Variants in VPS13B observed in about 807,000 individuals in gnomAD.
VPS13B encodes the protein intermembrane lipid transfer protein VPS13B.
VPS13B carries 285 observed loss-of-function variants against 426.4 expected under a neutral mutation model. The observed-to-expected ratio is 0.67, with a 90% CI of 0.61 to 0.74. VPS13B has a LOEUF of 0.74. Among genes scored for constraint, VPS13B ranks in the 30% least tolerant of loss-of-function variants. The probability of loss-of-function intolerance (pLI) is 0.00; values close to 1 mark genes in which losing one functional copy is unlikely to be tolerated. For synonymous variants in VPS13B, 1,676 were observed against 1,676.4 expected, an observed-to-expected ratio of 1.00 and a Z score of 0.01; for missense variants, 4,537 against 4,782.6, an observed-to-expected ratio of 0.95 and a Z score of 1.51.
intron 17 of VPS13B, among the ~76,000 whole-genome samples, chr8:99,227,723 C>T (rs1209500543): frequency 6.6e-6 from 1 of 151,960 alleles, no homozygotes; most frequent in Non-Finnish European, 1.5e-5. Context: ...TTTCATATAT[C>T]CATATTAAAA....
intron 39 of VPS13B, among the ~76,000 whole-genome samples, chr8:99,761,714 A>C (rs1381189760): frequency 6.6e-6 from 1 of 152,210 alleles, no homozygotes; most frequent in Non-Finnish European, 1.5e-5. Context: ...GTATTACCAA[A>C]AACAATAGGT....
chr8:99,540,054 TATATATA>T (rs1823518211), intron 30 of VPS13B, among the ~76,000 whole-genome samples: 2 of 5,572 alleles, frequency 3.6e-4, no homozygotes, highest in Non-Finnish European at 6.3e-4. Flanking sequence ...TATATATATA[TATATATA>T]TATTTTTTTT....
intron 31 of VPS13B, among the ~76,000 whole-genome samples, chr8:99,561,544 C>T (rs117721507): frequency 2.0e-5 from 3 of 152,188 alleles, no homozygotes; most frequent in East Asian, 1.9e-4. Context: ...ACAGCCATTC[C>T]GGTTTTCACT....
Position 99,817,558 on chromosome 8 carries a change from C to G in VPS13B, c.8116C>G (p.Gln2706Glu). The G allele has an allele frequency of 6.2e-7, 1 of 1,613,982 alleles. No individual in the cohort carries two copies. The highest frequency in any genetic ancestry group is 8.5e-7 in the Non-Finnish European group (1 of 1,179,954). Reference sequence around the variant, plus strand: ...CTTTTAGATTATCATCTGTGGAAGACAGATCATCTGTAGTTACTTGTCTCA... The same window carrying G: ...CTTTTAGATTATCATCTGTGGAAGAGAGATCATCTGTAGTTACTTGTCTCA... Reference protein sequence around the residue: ...VQKQIIICGRQIICSYLSQSI... With the variant: ...VQKQIIICGREIICSYLSQSI... The change falls in exon 45 of 62, where the codon CAG becomes GAG. Residue 2706 changes from glutamine (Q) to glutamate (E), a missense_variant. Coordinates refer to ENST00000357162, the MANE Select transcript of VPS13B (RefSeq NM_152564.5).
intron 17 of VPS13B, among the ~76,000 whole-genome samples, chr8:99,200,993 T>C (rs181820132): frequency 6.6e-5 from 10 of 152,236 alleles, no homozygotes; most frequent in Admixed American, 1.3e-4. Flanking sequence ...TTAGTCCTTT[T>C]ATTTTTTTCA....
At chr8:99,665,461 T>G (rs536327460) in intron 35 of VPS13B, among the ~76,000 whole-genome samples, 160 of 152,328 alleles carry the variant, frequency 1.1e-3, no homozygotes, top group Non-Finnish European at 1.5e-3. Flanking sequence ...GATCTAACAT[T>G]TAAGTCTTTA....
At chr8:99,232,115 G>C (rs1050419897) in intron 17 of VPS13B, among the ~76,000 whole-genome samples, 5 of 152,030 alleles carry the variant, frequency 3.3e-5, no homozygotes, top group Admixed American at 2.6e-4. Context: ...TTGGGCGGGG[G>C]CGAGGGTGGT....
intron 54 of VPS13B, among the ~76,000 whole-genome samples, chr8:99,848,227 G>A (rs1327811757): frequency 2.6e-5 from 4 of 151,946 alleles, no homozygotes; most frequent in East Asian, 1.9e-4. Context: ...TTTTTACTCC[G>A]AGCAAATTAA....
At chr8:99,406,189 T>C (rs1422991606) in intron 21 of VPS13B, among the ~76,000 whole-genome samples, 1 of 152,080 alleles carries the variant, frequency 6.6e-6, no homozygotes, top group East Asian at 1.9e-4. Context: ...CACCCCTTTC[T>C]ATCCTTAGAA....
intron 19 of VPS13B, among the ~76,000 whole-genome samples, chr8:99,351,395 GTTCAT>G (rs1443206268): frequency 6.6e-6 from 1 of 151,162 alleles, no homozygotes; most frequent in Non-Finnish European, 1.5e-5. Context: ...TTTATATTAT[GTTCAT>G]TTCTTTTCTC....
At chr8:99,540,034 TATATATATATA>T (rs1823489472) in intron 30 of VPS13B, among the ~76,000 whole-genome samples, 1 of 3,672 alleles carries the variant, frequency 2.7e-4, no homozygotes, top group Non-Finnish European at 5.4e-4. Flanking sequence ...TATATATATA[TATATATATATA>T]TATATATATA....
At chr8:99,569,009 A>G (rs191786286) in intron 31 of VPS13B, among the ~76,000 whole-genome samples, 2 of 151,652 alleles carry the variant, frequency 1.3e-5, no homozygotes, top group Non-Finnish European at 2.9e-5. Flanking sequence ...TTTTTAGTAG[A>G]GACGGGGTCT....
At chr8:99,753,538 T>C (rs1810498695) in intron 39 of VPS13B, among the ~76,000 whole-genome samples, 1 of 152,202 alleles carries the variant, frequency 6.6e-6, no homozygotes, top group Non-Finnish European at 1.5e-5. Flanking sequence ...AAGTTTTAAC[T>C]CAGAAGTTCT....
At chr8:99,320,209 A>G (rs1588247019) in intron 19 of VPS13B, among the ~76,000 whole-genome samples, 1 of 152,178 alleles carries the variant, frequency 6.6e-6, no homozygotes, top group Admixed American at 6.5e-5. Context: ...AAAGGGATTT[A>G]TGGGATAAAG....
chr8:99,075,880 T>C (rs1479767957), intron 3 of VPS13B, among the ~76,000 whole-genome samples: 1 of 152,190 alleles, frequency 6.6e-6, no homozygotes, highest in African/African-American at 2.4e-5. Context: ...ATTTCTGCTC[T>C]GATCTTTATT....
chr8:99,477,226 A>G (rs975925607), intron 24 of VPS13B, among the ~76,000 whole-genome samples: 1 of 152,180 alleles, frequency 6.6e-6, no homozygotes, highest in Non-Finnish European at 1.5e-5. Context: ...AAGGAGTATC[A>G]TGGACCCCTA....
At chr8:99,040,901 G>C (rs1289267750) in intron 3 of VPS13B, among the ~76,000 whole-genome samples, 2 of 152,096 alleles carry the variant, frequency 1.3e-5, no homozygotes, top group African/African-American at 4.8e-5. Context: ...TTGATAAGAA[G>C]GCATGTCTTG....
chr8:99,735,204 A>T (rs971194050), intron 39 of VPS13B, among the ~76,000 whole-genome samples: 1 of 152,234 alleles, frequency 6.6e-6, no homozygotes, highest in Non-Finnish European at 1.5e-5. Flanking sequence ...GAATAGAACC[A>T]TGAAAAAACT....
chr8:99,820,815 C>G (rs1814315283), intron 49 of VPS13B, among the ~76,000 whole-genome samples: 1 of 151,900 alleles, frequency 6.6e-6, no homozygotes, highest in Non-Finnish European at 1.5e-5. Flanking sequence ...CTTTTTTGAG[C>G]TCCAGGTCAT....
Sources: gnomAD v4.1 joint callset for allele counts (sites outside exome capture counted in the v4.1 genomes callset) on GRCh38, gnomAD v4.1.1 for gene constraint, MANE v1.5 for transcripts, NCBI Gene and HGNC (gene_info 2026-07-23, HGNC 2026-07-21) for gene names.